The following PRKD2 variants were observed in gnomAD, a reference collection of about 807,000 sequenced individuals.
PRKD2 encodes protein kinase D2, also known as serine/threonine-protein kinase D2.
Under a neutral mutation model 86.0 loss-of-function variants are expected in PRKD2, and 22 were observed. That is an observed-to-expected ratio of 0.26 (90% CI 0.18 to 0.37). The LOEUF is 0.37. Among genes scored for constraint, PRKD2 ranks in the 10% least tolerant of loss-of-function variants. PRKD2 has a pLI of 1.00. For missense variants in PRKD2, 818 were observed against 1,199.2 expected (o/e 0.68, Z 4.70); for synonymous variants, 509 against 510.9 (o/e 1.00, Z 0.05).
At chr19:46,695,804 G>A (rs79426285) in intron 9 of PRKD2, among the ~76,000 whole-genome samples, 7 of 152,184 alleles carry the variant, frequency 4.6e-5, no homozygotes, top group South Asian at 4.1e-4. Context: ...ACATGGACAC[G>A]TCGGGGGGGC....
rs549011785 is a variant in PRKD2, at chr19:46,701,222, T to G, written c.890-110A>C. The G allele has an allele frequency of 2.2e-3, 2,671 of 1,192,894 alleles. 7 individuals are homozygous for G. Among genetic ancestry groups the G allele is most frequent in the Non-Finnish European group, 2.7e-3 (2,219 of 812,396 alleles). 73.9% of individuals were successfully genotyped at this position (1,192,894 alleles called of 1,614,324 possible). A position where few individuals can be genotyped will look rare whatever the true frequency, so the allele number is the denominator to read the frequency against. ...CTCAAAAGAGTCTACTCTTGCTGTC[T>G]GGGTAAGAACACTGGCTGCTGCTGC... On this transcript the variant is annotated intron_variant, in intron 5 of 17. Transcript: ENST00000291281.
At chr19:46,680,580 C>T (rs891240620) in intron 15 of PRKD2, among the ~76,000 whole-genome samples, 1 of 152,174 alleles carries the variant, frequency 6.6e-6, no homozygotes, top group South Asian at 2.1e-4. Flanking sequence ...TGAGCCGCTG[C>T]GCTCAACCAG....
chr19:46,674,561 C>T lies in PRKD2; in HGVS notation c.2599G>A (p.Asp867Asn). ...LGGACPPQDH[D>N]MQGLAERISV... ...ATGCGCTCCGCCAGCCCCTGCATGTCGTGGTCCTGTGGTGGACAGGCCCCA... is the reference window on the plus strand; with the variant it reads ...ATGCGCTCCGCCAGCCCCTGCATGTTGTGGTCCTGTGGTGGACAGGCCCCA... Residue 867 changes from aspartate (D) to asparagine (N), a missense_variant, in exon 18 of 18, where the codon GAC becomes AAC. Asp to Asn is a conservative substitution (Grantham distance 23). Around this residue, in one of 5 missense-constraint regions of PRKD2, gnomAD observed 132 missense variants for 146.2 expected, o/e 0.90. Coordinates refer to ENST00000291281, the MANE Select transcript of PRKD2 (RefSeq NM_016457.5). The T allele has an allele frequency of 1.9e-6, 3 of 1,612,962 alleles. No individual in the cohort carries two copies. The highest frequency in any genetic ancestry group is 1.1e-5 in the South Asian group (1 of 91,048).
intron 17 of PRKD2, 123 bp downstream of exon 17, chr19:46,674,910 G>A (rs1246523173): frequency 8.4e-7 from 1 of 1,196,146 alleles, no homozygotes; most frequent in Non-Finnish European, 1.2e-6. Context: ...GCCAATGGGA[G>A]GCCTAGCCAC....
chr19:46,704,402 C>T lies in PRKD2; in HGVS notation c.667-11G>A, dbSNP rs758439756. On this transcript the variant is annotated splice_polypyrimidine_tract_variant and intron_variant, in intron 4 of 17. Transcript: ENST00000291281. ...GGTGGTGCTACGGCTCTGTCGTTGG[C>T]AAGAATGGAGGGGACACATCAGTGC... 22 of 1,613,742 alleles carry T rather than the reference C, an allele frequency of 1.4e-5. No individual in the cohort carries two copies. In the African/African-American group the frequency reaches 2.5e-4, roughly 19 times the overall value.
intron 7 of PRKD2, among the ~76,000 whole-genome samples, chr19:46,699,918 TAAAAA>T (rs56355930): frequency 6.5e-5 from 7 of 107,312 alleles, no homozygotes; most frequent in Non-Finnish European, 1.1e-4. Context: ...CCCCCTATCT[TAAAAA>T]AAAAAAAAAA....
chr19:46,694,202 A>G, intron 9 of PRKD2, 69 bp from the exon 10 acceptor site: 2 of 1,569,446 alleles, frequency 1.3e-6, no homozygotes, highest in Non-Finnish European at 1.7e-6. Context: ...CTTACCCAGA[A>G]GGATACACGG....
intron 2 of PRKD2, among the ~76,000 whole-genome samples, chr19:46,712,050 A>G (rs1294711411): frequency 6.6e-6 from 1 of 151,248 alleles, no homozygotes; most frequent in East Asian, 2.0e-4. Context: ...CCTGGGTGAC[A>G]GAGTAAGATT....
intron 3 of PRKD2, chr19:46,710,677 T>A: frequency 6.2e-6 from 3 of 482,152 alleles, no homozygotes; most frequent in Non-Finnish European, 1.1e-5. Context: ...CCCTCCCAGC[T>A]CCACCTCCTA....
At chr19:46,713,800 T>G (rs1010144386) in intron 2 of PRKD2, 63 bp downstream of exon 2, 4 of 1,110,238 alleles carry the variant, frequency 3.6e-6, no homozygotes, top group African/African-American at 1.7e-5. Context: ...CCCTACCCTC[T>G]CCTCCCCCAG....
Position 46,716,222 on chromosome 19 carries a change from T to C in PRKD2, c.149A>G (p.Gln50Arg). 6.2e-7 allele frequency: 1 copy of C among 1,609,408 alleles called. No homozygotes were observed. Reference protein sequence around the residue: ...APGSGVSFHIQIGLTREFVLL... With the variant: ...APGSGVSFHIRIGLTREFVLL... ...CACGAACTCGCGGGTCAGCCCGATC[T>C]GGATGTGAAAGGAGACCCCGGAACC... The change falls in exon 1 of 18, where the codon CAG becomes CGG. Residue 50 changes from glutamine to arginine, a missense_variant. Coordinates refer to ENST00000291281, the MANE Select transcript of PRKD2 (RefSeq NM_016457.5). This position sits in a 1 kb window ranked among gnomAD's most constrained non-coding sequence, Gnocchi z 7.9.
At position 46,716,449 on chromosome 19, in the gene PRKD2, T is replaced by G; in HGVS notation, c.-79A>C. 1 of 738,188 alleles carries G rather than the reference T, an allele frequency of 1.4e-6. No homozygotes were observed. The highest frequency in any genetic ancestry group is 2.1e-6 in the Non-Finnish European group (1 of 487,456). 45.7% of individuals were successfully genotyped at this position (738,188 alleles called of 1,614,324 possible). On this transcript the variant is annotated 5_prime_UTR_variant, in exon 1 of 18. Transcript: ENST00000291281. This position sits in a 1 kb window ranked among gnomAD's most constrained non-coding sequence, Gnocchi z 7.9. ...GCCCCGGGGGACCCTGGGTTCTAGA[T>G]CCGCGGGATCTCGTGAGCAGGTGGT...
chr19:46,684,983 G>A (rs879877254), intron 14 of PRKD2, among the ~76,000 whole-genome samples: 7 of 144,368 alleles, frequency 4.8e-5, no homozygotes, highest in East Asian at 2.1e-4. Context: ...AACATTGGCC[G>A]GATATGGTGG....
intron 7 of PRKD2, among the ~76,000 whole-genome samples, chr19:46,699,919 A>G (rs1160045590): frequency 2.3e-5 from 1 of 43,392 alleles, no homozygotes; most frequent in Non-Finnish European, 3.6e-5. Flanking sequence ...CCCCTATCTT[A>G]AAAAAAAAAA....
chr19:46,689,763 T>C, intron 13 of PRKD2, 65 bp from the exon 14 acceptor site: 4 of 1,575,022 alleles, frequency 2.5e-6, no homozygotes, highest in Non-Finnish European at 3.5e-6. Context: ...ACGGGTCAGG[T>C]ATAGGAGCAG....
chr19:46,713,906 G>A lies in PRKD2; in HGVS notation c.336C>T (p.Ser112=), dbSNP rs2053845249. 3.2e-6 allele frequency: 5 copies of A among 1,576,030 alleles called. No individual in the cohort carries two copies. Among genetic ancestry groups the A allele is most frequent in the Non-Finnish European group, 3.5e-6 (4 of 1,156,528 alleles). The change falls in exon 2 of 18, where the codon TCC becomes TCT. Residue 112 remains serine, a synonymous_variant. Transcript: ENST00000291281. ...CCAGGTCGCCCTCCTGGATGTCTCC[G>A]GACGAGCGCACCAGCTGCAGGAGGT... ...SANLLQLVRS[S]GDIQEGDLVE... is the part of the protein sequence containing the mutation.
chr19:46,701,756 T>C (rs1012090467), intron 5 of PRKD2, among the ~76,000 whole-genome samples: 2 of 151,870 alleles, frequency 1.3e-5, no homozygotes, highest in South Asian at 4.2e-4. Flanking sequence ...ACTAACACAG[T>C]GCCCAGGATA....
intron 3 of PRKD2, 24 bp from the exon 4 acceptor site, chr19:46,704,673 G>C: frequency 1.3e-6 from 2 of 1,573,172 alleles, no homozygotes; most frequent in Non-Finnish European, 1.7e-6. Context: ...CAGAGAGTAA[G>C]AGACATGGCG....
intron 15 of PRKD2, among the ~76,000 whole-genome samples, chr19:46,679,364 A>G (rs1315110089): frequency 1.3e-5 from 2 of 152,160 alleles, no homozygotes; most frequent in African/African-American, 2.4e-5. Context: ...AACATAATGG[A>G]GATCTTAACA....
Sources: allele counts gnomAD v4.1 joint callset (sites outside exome capture counted in the v4.1 genomes callset), GRCh38; gene constraint gnomAD v4.1.1; regional missense constraint gnomAD v4.1.1; non-coding constraint Gnocchi (gnomAD v3.1); transcripts MANE v1.5; gene names NCBI Gene and HGNC (gene_info 2026-07-23, HGNC 2026-07-21).